PTPRN2: variants seen among roughly 807,000 people sequenced by gnomAD.
PTPRN2 encodes receptor-type tyrosine-protein phosphatase N2.
In PTPRN2, 74 loss-of-function variants were observed where a neutral mutation model predicts 118.8. The observed-to-expected ratio is 0.62, with a 90% confidence interval of 0.52 to 0.76. The LOEUF (loss-of-function observed/expected upper bound fraction) is 0.76, where lower values mean the gene tolerates loss of function less well. Among genes scored for constraint, PTPRN2 ranks in the 30% least tolerant of loss-of-function variants. PTPRN2 has a pLI of 0.00. For missense variants in PTPRN2, 1,481 were observed against 1,394.4 expected, an observed-to-expected ratio of 1.06 and a Z score of -0.99; for synonymous variants, 641 against 608.0, an observed-to-expected ratio of 1.05 and a Z score of -0.80.
At chr7:158,130,795 A>G (rs1026773691) in intron 9 of PTPRN2, among the ~76,000 whole-genome samples, 3 of 150,864 alleles carry the variant, frequency 2.0e-5, no homozygotes, top group Non-Finnish European at 4.4e-5. Context: ...GCACAAACCA[A>G]TACTCATCTA....
At chr7:157,876,275 G>A (rs1034587576) in intron 12 of PTPRN2, among the ~76,000 whole-genome samples, 1 of 152,136 alleles carries the variant, frequency 6.6e-6, no homozygotes, top group Non-Finnish European at 1.5e-5. Context: ...GAGGTAAGGC[G>A]GACAGGGCTG....
intron 12 of PTPRN2, among the ~76,000 whole-genome samples, chr7:157,872,498 T>TCC (rs1811169053): frequency 6.6e-6 from 1 of 151,020 alleles, no homozygotes; most frequent in Non-Finnish European, 1.5e-5. Flanking sequence ...TCCAGTGTCC[T>TCC]CCCCACACAC....
intron 9 of PTPRN2, among the ~76,000 whole-genome samples, chr7:158,127,980 G>C (rs1418914810): frequency 2.0e-5 from 3 of 152,194 alleles, no homozygotes; most frequent in East Asian, 1.9e-4. Flanking sequence ...AAATGTGAGA[G>C]AGAAAATCAT....
chr7:158,118,127 A>T (rs1278961248), intron 9 of PTPRN2, among the ~76,000 whole-genome samples: 8 of 152,248 alleles, frequency 5.3e-5, no homozygotes. Context: ...AACTAGTATT[A>T]TAACTTTGGT....
chr7:158,228,361 C>A (rs1215730823), intron 3 of PTPRN2, among the ~76,000 whole-genome samples: 1 of 151,948 alleles, frequency 6.6e-6, no homozygotes, highest in Non-Finnish European at 1.5e-5. Context: ...AAGGAAGATC[C>A]CAAAGAAGAA....
chr7:158,390,039 T>G (rs1367254303), intron 2 of PTPRN2, among the ~76,000 whole-genome samples: 1 of 152,222 alleles, frequency 6.6e-6, no homozygotes, highest in Non-Finnish European at 1.5e-5. Context: ...TACGGAGGGA[T>G]GAAGCCTCTC....
intron 17 of PTPRN2, among the ~76,000 whole-genome samples, chr7:157,589,529 GCCT>G (rs1464821485): frequency 1.3e-5 from 2 of 152,184 alleles, no homozygotes; most frequent in African/African-American, 4.8e-5. Flanking sequence ...ATGGAGACCT[GCCT>G]CCTCCTCTCG....
intron 11 of PTPRN2, among the ~76,000 whole-genome samples, chr7:157,914,540 T>C (rs1007518717): frequency 1.3e-5 from 2 of 152,166 alleles, no homozygotes; most frequent in African/African-American, 2.4e-5. Flanking sequence ...TCGATGGTGA[T>C]AGAGTGTGCC....
intron 2 of PTPRN2, among the ~76,000 whole-genome samples, chr7:158,395,333 C>CGAGGGGT (rs1812297403): frequency 1.4e-5 from 1 of 68,982 alleles, no homozygotes; most frequent in Non-Finnish European, 2.8e-5. Context: ...GGGCGAGGGG[C>CGAGGGGT]GAGGCGCGAG....
At chr7:158,342,579 C>T (rs71547524) in intron 2 of PTPRN2, among the ~76,000 whole-genome samples, 2 of 150,790 alleles carry the variant, frequency 1.3e-5, no homozygotes, top group African/African-American at 2.5e-5. Flanking sequence ...CACCTGCAGA[C>T]GTCGCTCACA....
intron 11 of PTPRN2, among the ~76,000 whole-genome samples, chr7:158,068,323 G>A (rs1371479590): frequency 3.3e-5 from 5 of 152,210 alleles, no homozygotes; most frequent in Non-Finnish European, 5.9e-5. Flanking sequence ...CATGGCAGCC[G>A]AGGGTACGGT....
rs903189726 is a variant in PTPRN2, at chr7:158,238,481, C to T, written c.278-33208G>A. Among the ~76,000 whole-genome samples the T allele has an allele frequency of 2.6e-5, 4 of 152,322 alleles. No homozygotes were observed. The South Asian group carries it at 6.2e-4, about 24-fold the overall frequency. ...CAGAAACCTTTCTTCCGCCCTCAGCCACTGTCCCTCTTAATCCAGCCACAT... is the reference window on the plus strand; with the variant it reads ...CAGAAACCTTTCTTCCGCCCTCAGCTACTGTCCCTCTTAATCCAGCCACAT... On this transcript the variant is annotated intron_variant, in intron 3 of 22. Coordinates refer to ENST00000389418, the MANE Select transcript of PTPRN2 (RefSeq NM_002847.5).
Position 158,472,702 on chromosome 7 carries a change from T to C in PTPRN2, c.163+17033A>G, listed in dbSNP as rs1341458357. On this transcript the variant is annotated intron_variant, in intron 2 of 22. Coordinates refer to ENST00000389418, the MANE Select transcript of PTPRN2 (RefSeq NM_002847.5). ...ACTCTTAACACAGACCCCACCTCTATGGAAACTGCCTCAAAAGACAGAGCA... is the reference window on the plus strand; with the variant it reads ...ACTCTTAACACAGACCCCACCTCTACGGAAACTGCCTCAAAAGACAGAGCA... 2.6e-5 allele frequency among the ~76,000 whole-genome samples: 4 copies of C among 152,266 alleles called. No homozygotes were observed. The East Asian group carries it at 7.7e-4, about 29-fold the overall frequency.
intron 11 of PTPRN2, among the ~76,000 whole-genome samples, chr7:157,982,244 TC>T (rs1168492250): frequency 6.6e-5 from 5 of 75,950 alleles, no homozygotes; most frequent in African/African-American, 1.6e-4. Context: ...GAGTGCGGGG[TC>T]CCCCCAAACC....
At chr7:158,347,184 G>C (rs1290686904) in intron 2 of PTPRN2, among the ~76,000 whole-genome samples, 3 of 152,182 alleles carry the variant, frequency 2.0e-5, no homozygotes, top group African/African-American at 7.2e-5. Flanking sequence ...CCAGGATAAT[G>C]TTATGTCATT....
At chr7:157,791,838 CCAGCAACGCCGTG>C (rs1282726582) in intron 12 of PTPRN2, among the ~76,000 whole-genome samples, 4 of 152,240 alleles carry the variant, frequency 2.6e-5, no homozygotes, top group Admixed American at 2.0e-4. Flanking sequence ...GCACCTACAG[CCAGCAACGCCGTG>C]CAGCACGCTC....
chr7:158,167,367 T>A (rs1433701354), intron 5 of PTPRN2, 76 bp from the exon 6 acceptor site: 2 of 1,511,706 alleles, frequency 1.3e-6, no homozygotes, highest in East Asian at 4.6e-5. Flanking sequence ...TGCCCTTCAG[T>A]CTCAGTTTTC....
chr7:157,569,152 T>A (rs2150510348), intron 20 of PTPRN2, among the ~76,000 whole-genome samples, 186 bp from the exon 21 acceptor site: 1 of 152,344 alleles, frequency 6.6e-6, no homozygotes, highest in Non-Finnish European at 1.5e-5. Context: ...GGGAGGCCCC[T>A]GGGGGCTTCG....
chr7:157,788,531 G>A (rs1804226657), intron 12 of PTPRN2, among the ~76,000 whole-genome samples: 1 of 152,220 alleles, frequency 6.6e-6, no homozygotes, highest in Non-Finnish European at 1.5e-5. Flanking sequence ...CGGGGCTGGA[G>A]CAGTCCCCAA....
Sources: gnomAD v4.1 joint callset for allele counts (sites outside exome capture counted in the v4.1 genomes callset) on GRCh38, gnomAD v4.1.1 for gene constraint, MANE v1.5 for transcripts, NCBI Gene and HGNC (gene_info 2026-07-23, HGNC 2026-07-21) for gene names.